The following SIPA1L1 variants were observed in gnomAD, a reference collection of about 807,000 sequenced individuals.
SIPA1L1 encodes signal-induced proliferation-associated 1-like protein 1.
A neutral mutation model predicts 162.7 loss-of-function variants in SIPA1L1; 26 were observed. That is an observed-to-expected ratio of 0.16 (90% CI 0.12 to 0.22). The LOEUF is 0.22. SIPA1L1 is among the 10% of genes least tolerant of loss of function. The probability of loss-of-function intolerance (pLI) is 1.00; values close to 1 mark genes in which losing one functional copy is unlikely to be tolerated. For missense variants in SIPA1L1, 1,874 were observed against 2,241.0 expected, an observed-to-expected ratio of 0.84 and a Z score of 3.31; for synonymous variants, 829 against 837.4, an observed-to-expected ratio of 0.99 and a Z score of 0.17.
intron 2 of SIPA1L1, among the ~76,000 whole-genome samples, chr14:71,339,873 CTG>C: frequency 6.6e-6 from 1 of 152,272 alleles, no homozygotes; most frequent in East Asian, 1.9e-4. Context: ...CATTAGGACT[CTG>C]TGGGAGCCAG....
intron 2 of SIPA1L1, among the ~76,000 whole-genome samples, chr14:71,407,565 G>A (rs1020491736): frequency 6.8e-6 from 1 of 146,606 alleles, no homozygotes; most frequent in African/African-American, 2.5e-5. Context: ...GGAGTGTAGC[G>A]GCATGATCAG....
intron 2 of SIPA1L1, among the ~76,000 whole-genome samples, chr14:71,504,851 T>C (rs1389522395): frequency 6.6e-6 from 1 of 152,236 alleles, no homozygotes; most frequent in Non-Finnish European, 1.5e-5. Context: ...TCATTTGAAC[T>C]CTGGCTTTTT....
intron 4 of SIPA1L1, among the ~76,000 whole-genome samples, chr14:71,555,476 T>G (rs2056272348): frequency 6.6e-6 from 1 of 152,230 alleles, no homozygotes; most frequent in African/African-American, 2.4e-5. Flanking sequence ...GATTTGATCT[T>G]CTTTCTCTCC....
At chr14:71,483,698 A>G (rs911872963) in intron 2 of SIPA1L1, among the ~76,000 whole-genome samples, 2 of 152,190 alleles carry the variant, frequency 1.3e-5, no homozygotes, top group African/African-American at 2.4e-5. Context: ...CTGTACAAAA[A>G]GCATGTCTAA....
intron 2 of SIPA1L1, among the ~76,000 whole-genome samples, chr14:71,388,076 A>G (rs181452579): frequency 3.3e-5 from 5 of 152,328 alleles, no homozygotes; most frequent in Admixed American, 2.0e-4. Context: ...AAGGTGTTCA[A>G]ATATTTGAAT....
chr14:71,353,173 C>T (rs767763906), intron 2 of SIPA1L1, among the ~76,000 whole-genome samples: 14 of 152,204 alleles, frequency 9.2e-5, no homozygotes, highest in Non-Finnish European at 1.5e-4. Context: ...GATGAGTTCT[C>T]CATTGTATAT....
At chr14:71,442,647 G>A (rs1350428443) in intron 2 of SIPA1L1, among the ~76,000 whole-genome samples, 1 of 152,172 alleles carries the variant, frequency 6.6e-6, no homozygotes, top group Non-Finnish European at 1.5e-5. Flanking sequence ...TTGATGATTG[G>A]CTAAGTGTGG....
intron 17 of SIPA1L1, among the ~76,000 whole-genome samples, chr14:71,715,469 A>G (rs895627290): frequency 1.3e-4 from 20 of 152,250 alleles, no homozygotes; most frequent in African/African-American, 4.8e-4. Flanking sequence ...ATTCTACACA[A>G]TAGACAGCAG....
At chr14:71,560,889 T>G (rs1360154330) in intron 4 of SIPA1L1, among the ~76,000 whole-genome samples, 3 of 152,212 alleles carry the variant, frequency 2.0e-5, no homozygotes, top group African/African-American at 4.8e-5. Context: ...GATATTCTTC[T>G]GTAGTCATAC....
At chr14:71,590,316 C>T (rs2035224805) in intron 5 of SIPA1L1, among the ~76,000 whole-genome samples, 1 of 152,056 alleles carries the variant, frequency 6.6e-6, no homozygotes, top group Admixed American at 6.6e-5. Flanking sequence ...GTTCCATTAG[C>T]TAGATTGGTC....
chr14:71,712,924 G>A (rs1464946573), intron 17 of SIPA1L1, among the ~76,000 whole-genome samples: 5 of 152,168 alleles, frequency 3.3e-5, no homozygotes, highest in African/African-American at 4.8e-5. Context: ...CCACTTATGC[G>A]ATCACATATA....
At chr14:71,571,861 C>T (rs1431902298) in intron 4 of SIPA1L1, among the ~76,000 whole-genome samples, 9 of 150,032 alleles carry the variant, frequency 6.0e-5, no homozygotes, top group Non-Finnish European at 1.2e-4. Flanking sequence ...ACCGTGTTAG[C>T]CAGGATGGTC....
chr14:71,698,659 T>A (rs1420278977), intron 13 of SIPA1L1, among the ~76,000 whole-genome samples: 2 of 152,250 alleles, frequency 1.3e-5, no homozygotes, highest in Non-Finnish European at 2.9e-5. Flanking sequence ...AATTATCTTC[T>A]GCTCTGCCAT....
At chr14:71,668,512 T>C (rs539385169) in intron 10 of SIPA1L1, among the ~76,000 whole-genome samples, 1 of 152,286 alleles carries the variant, frequency 6.6e-6, no homozygotes, top group East Asian at 1.9e-4. Flanking sequence ...CCCAAAGATT[T>C]TGGAGTGAGA....
At chr14:71,724,613 G>A in intron 18 of SIPA1L1, 57 bp from the exon 19 acceptor site, 1 of 1,450,688 alleles carries the variant, frequency 6.9e-7, no homozygotes, top group South Asian at 1.3e-5. Flanking sequence ...AGCCCATCAT[G>A]CCCTTGAGCC....
At chr14:71,610,382 A>C (rs565737930) in intron 5 of SIPA1L1, among the ~76,000 whole-genome samples, 2 of 152,318 alleles carry the variant, frequency 1.3e-5, no homozygotes, top group African/African-American at 4.8e-5. Flanking sequence ...TTATTGCCAA[A>C]TTGCTCTTAA....
At position 71,721,125 on chromosome 14, in the gene SIPA1L1, G is replaced by A. The variant is rs569910400; in HGVS notation, c.4209-2522G>A. On this transcript the variant is annotated intron_variant, in intron 17 of 23. Transcript: ENST00000381232. ...CCGTGTATTCAAATGGGACTGTTGT[G>A]ATCTTAGTTTGTGGTCACTGTAGAT... Among the ~76,000 whole-genome samples the A allele has an allele frequency of 2.9e-4, 44 of 152,322 alleles. No homozygotes were observed. The East Asian group carries it at 8.5e-3, about 29-fold the overall frequency.
At chr14:71,637,719 TA>T (rs548991374) in intron 7 of SIPA1L1, among the ~76,000 whole-genome samples, 236 of 143,734 alleles carry the variant, frequency 1.6e-3, no homozygotes, top group Middle Eastern at 3.5e-3. Context: ...GTGAGACTCT[TA>T]AAAAAAAAAA....
At chr14:71,525,760 C>T (rs893364895) in intron 3 of SIPA1L1, among the ~76,000 whole-genome samples, 1 of 152,112 alleles carries the variant, frequency 6.6e-6, no homozygotes, top group Non-Finnish European at 1.5e-5. Flanking sequence ...TTTAAATTGT[C>T]GTTATTTTTA....
Sources: gnomAD v4.1 joint callset for allele counts (sites outside exome capture counted in the v4.1 genomes callset) on GRCh38, gnomAD v4.1.1 for gene constraint, MANE v1.5 for transcripts, NCBI Gene and HGNC (gene_info 2026-07-23, HGNC 2026-07-21) for gene names.